Variants in ERC1 observed in about 807,000 individuals in gnomAD.
The protein encoded by ERC1 is ELKS/RAB6-interacting/CAST family member 1.
In ERC1, 56 loss-of-function variants were observed where a neutral mutation model predicts 132.0. The ratio of observed to expected loss-of-function variants is 0.42; its 90% CI spans 0.34 to 0.53. ERC1 has a LOEUF of 0.53. ERC1 is among the 20% of genes least tolerant of loss of function. ERC1 has a pLI of 0.03. For missense variants in ERC1, 1,202 were observed against 1,349.9 expected, an observed-to-expected ratio of 0.89 and a Z score of 1.72; for synonymous variants, 478 against 476.1, an observed-to-expected ratio of 1.00 and a Z score of -0.05.
intron 13 of ERC1, among the ~76,000 whole-genome samples, chr12:1,255,563 A>G (rs1284544398): frequency 6.6e-6 from 1 of 151,300 alleles, no homozygotes; most frequent in Non-Finnish European, 1.5e-5. Flanking sequence ...ACTCCCACCA[A>G]CAGTATAAAA....
At chr12:1,465,487 A>G (rs932495044) in intron 18 of ERC1, among the ~76,000 whole-genome samples, 2 of 152,230 alleles carry the variant, frequency 1.3e-5, no homozygotes, top group Non-Finnish European at 2.9e-5. Flanking sequence ...AAGCTCCTGT[A>G]GGAACAGTAG....
At chr12:1,180,253 A>ATGTGTGTGTGTGTG (rs3216970) in intron 8 of ERC1, among the ~76,000 whole-genome samples, 4 of 146,604 alleles carry the variant, frequency 2.7e-5, no homozygotes, top group African/African-American at 7.5e-5. Context: ...TTTGTTAGGG[A>ATGTGTGTGTGTGTG]TGTGTGTGTG....
In ERC1 at chr12:1,246,719, A is replaced by G. The variant is rs1214678738; in HGVS notation, c.2487+9815A>G. Among the ~76,000 whole-genome samples, 4 of 152,230 alleles carry G rather than the reference A, an allele frequency of 2.6e-5. No individual in the cohort carries two copies. In the East Asian group the frequency reaches 7.7e-4, roughly 29 times the overall value. On this transcript the variant is annotated intron_variant, in intron 13 of 18. Transcript: ENST00000360905. ...ATTGACCTCATGAACCCCTTGATAC[A>G]AGGCACTGAGAGGGACACAATATCA...
At chr12:1,441,814 G>A (rs746403186) in intron 17 of ERC1, among the ~76,000 whole-genome samples, 7 of 152,234 alleles carry the variant, frequency 4.6e-5, no homozygotes, top group Non-Finnish European at 8.8e-5. Context: ...TAACAGAACC[G>A]TGATGAGACG....
chr12:1,114,320 C>T (rs1946217873), intron 6 of ERC1, among the ~76,000 whole-genome samples: 1 of 152,194 alleles, frequency 6.6e-6, no homozygotes, highest in Non-Finnish European at 1.5e-5. Context: ...TGCACCCGGC[C>T]TAAACCCTGC....
At chr12:1,411,489 G>A (rs2091847448) in intron 17 of ERC1, among the ~76,000 whole-genome samples, 1 of 152,032 alleles carries the variant, frequency 6.6e-6, no homozygotes, top group South Asian at 2.1e-4. Context: ...CATGCGCTGT[G>A]AGGTGGGAAG....
intron 18 of ERC1, among the ~76,000 whole-genome samples, chr12:1,480,194 T>C (rs10848480): frequency 0.45 from 67,657 of 151,706 alleles, 17,469 homozygotes; most frequent in African/African-American, 0.72. Flanking sequence ...TGCTGAGATA[T>C]GAGACTTCGT....
chr12:1,341,173 AG>A (rs1191684988), intron 15 of ERC1, among the ~76,000 whole-genome samples: 1 of 125,682 alleles, frequency 8.0e-6, no homozygotes, highest in East Asian at 2.4e-4. Context: ...GGCTCACTGC[AG>A]CCTCCGACTC....
intron 1 of ERC1, among the ~76,000 whole-genome samples, chr12:1,017,943 T>C (rs1029753746): frequency 2.0e-5 from 3 of 152,220 alleles, no homozygotes; most frequent in Admixed American, 6.5e-5. Context: ...CACAGACATA[T>C]TTTCTGCGTG....
intron 16 of ERC1, among the ~76,000 whole-genome samples, chr12:1,382,353 G>T (rs1362265): frequency 6.6e-6 from 1 of 152,062 alleles, no homozygotes; most frequent in African/African-American, 2.4e-5. Flanking sequence ...ACATGGTGTT[G>T]TCTACAGAGG....
At chr12:1,038,052 A>AG (rs1172752648) in intron 2 of ERC1, among the ~76,000 whole-genome samples, 4 of 152,032 alleles carry the variant, frequency 2.6e-5, no homozygotes, top group Non-Finnish European at 4.4e-5. Flanking sequence ...CTCAAAAAAA[A>AG]AAAAAGAAAA....
chr12:1,116,774 G>A (rs1038619988), intron 7 of ERC1, among the ~76,000 whole-genome samples: 1 of 152,006 alleles, frequency 6.6e-6, no homozygotes, highest in African/African-American at 2.4e-5. Context: ...GTGGAGATGG[G>A]GTTTCACCAT....
intron 1 of ERC1, among the ~76,000 whole-genome samples, chr12:1,008,542 G>T (rs1964125820): frequency 6.6e-6 from 1 of 152,012 alleles, no homozygotes. Flanking sequence ...CTCCCAAAGT[G>T]CTGGGATTAC....
At chr12:1,023,263 G>A (rs766778982) in intron 1 of ERC1, among the ~76,000 whole-genome samples, 31 of 152,282 alleles carry the variant, frequency 2.0e-4, no homozygotes, top group Non-Finnish European at 4.4e-4. Flanking sequence ...GAGGTACCTA[G>A]AAATCAAAGC....
rs2083930610 is a variant in ERC1 at position 1,341,833 on chromosome 12, C to CT, written c.2781-29997dup. ...AATTTTTAAAAAAAGAAACTTGAAG[C>CT]TTTGGGATCAGCCTGGAATATTTTT... On this transcript the variant is annotated intron_variant, in intron 15 of 18. Coordinates refer to ENST00000360905, the MANE Select transcript of ERC1 (RefSeq NM_178040.4). Among the ~76,000 whole-genome samples the CT allele has an allele frequency of 2.0e-5, 3 of 152,088 alleles. No individual in the cohort carries two copies. The East Asian group carries it at 5.8e-4, about 29-fold the overall frequency.
chr12:1,189,686 CTAA>C (rs1399850859), intron 11 of ERC1, among the ~76,000 whole-genome samples, 170 bp from the exon 12 acceptor site: 1 of 152,192 alleles, frequency 6.6e-6, no homozygotes, highest in Non-Finnish European at 1.5e-5. Flanking sequence ...CCATTTATTA[CTAA>C]TATTTGTCTA....
At chr12:1,020,101 G>A (rs989215356) in intron 1 of ERC1, among the ~76,000 whole-genome samples, 9 of 151,968 alleles carry the variant, frequency 5.9e-5, no homozygotes, top group African/African-American at 9.7e-5. Context: ...TTTAAACATC[G>A]CAGAAAACAA....
chr12:1,055,718 A>T (rs1000786494), intron 2 of ERC1, among the ~76,000 whole-genome samples: 1 of 152,226 alleles, frequency 6.6e-6, no homozygotes, highest in Non-Finnish European at 1.5e-5. Flanking sequence ...AGACTGCTGG[A>T]TGGTTCTGCC....
chr12:1,375,901 T>A (rs1468595955), intron 16 of ERC1, among the ~76,000 whole-genome samples: 1 of 151,902 alleles, frequency 6.6e-6, no homozygotes, highest in Non-Finnish European at 1.5e-5. Context: ...CGCGCCCGGC[T>A]AATTTTTTGT....
Sources: gnomAD v4.1 joint callset for allele counts (sites outside exome capture counted in the v4.1 genomes callset) on GRCh38, gnomAD v4.1.1 for gene constraint, MANE v1.5 for transcripts, NCBI Gene and HGNC (gene_info 2026-07-23, HGNC 2026-07-21) for gene names.